Variants in PTPRD observed in about 807,000 individuals in gnomAD.
PTPRD encodes the protein protein tyrosine phosphatase receptor type D.
A neutral mutation model predicts 214.5 loss-of-function variants in PTPRD; 34 were observed. That is an observed-to-expected ratio of 0.16 (90% CI 0.12 to 0.21). PTPRD has a LOEUF of 0.21. PTPRD is among the 10% of genes least tolerant of loss of function. The probability of loss-of-function intolerance (pLI) is 1.00; values close to 1 mark genes in which losing one functional copy is unlikely to be tolerated. For synonymous variants in PTPRD, 1,128 were observed against 845.7 expected, an observed-to-expected ratio of 1.33 and a Z score of -5.79; for missense variants, 2,545 against 2,398.7, an observed-to-expected ratio of 1.06 and a Z score of -1.27.
intron 39 of PTPRD, among the ~76,000 whole-genome samples, chr9:8,350,161 G>C (rs1397066265): frequency 6.6e-6 from 1 of 152,032 alleles, no homozygotes; most frequent in Non-Finnish European, 1.5e-5. Context: ...GTAGTAATGT[G>C]CAAAAAGAAA....
rs1216388726 is a variant in PTPRD at position 8,408,053 on chromosome 9, C to G, written c.4087-3393G>C. 2.0e-5 allele frequency among the ~76,000 whole-genome samples: 3 copies of G among 152,160 alleles called. No homozygotes were observed. In the East Asian group the frequency reaches 5.8e-4, roughly 29 times the overall value. On this transcript the variant is annotated intron_variant, in intron 35 of 45. Coordinates refer to ENST00000381196, the MANE Select transcript of PTPRD (RefSeq NM_002839.4). ...TCATGAATGAGTAAGACCCTAATTG[C>G]TGGTGACAGACACAGTTGCTTTGCC... is the stretch of plus-strand genomic sequence containing the variant.
At chr9:9,338,337 T>G (rs2045419441) in intron 9 of PTPRD, among the ~76,000 whole-genome samples, 1 of 152,178 alleles carries the variant, frequency 6.6e-6, no homozygotes. Flanking sequence ...TAATTCAGAT[T>G]GCAGCAAGAT....
chr9:9,930,019 G>A (rs747157764), intron 5 of PTPRD, among the ~76,000 whole-genome samples: 2 of 152,122 alleles, frequency 1.3e-5, no homozygotes, highest in African/African-American at 2.4e-5. Context: ...TACTCAGTCT[G>A]TAGGAAACAA....
intron 9 of PTPRD, among the ~76,000 whole-genome samples, chr9:9,371,048 A>C (rs10481629): frequency 6.6e-6 from 1 of 151,400 alleles, no homozygotes; most frequent in Non-Finnish European, 1.5e-5. Context: ...ATCAATATTC[A>C]TTAAGGATAT....
intron 44 of PTPRD, among the ~76,000 whole-genome samples, chr9:8,331,007 ATTTCTATT>A (rs1840064598): frequency 6.6e-6 from 1 of 151,458 alleles, no homozygotes; most frequent in South Asian, 2.1e-4. Context: ...CTTGCTATTT[ATTTCTATT>A]AACTTCAATG....
chr9:9,752,351 TTAAAGTACGTAAGA>T (rs1395424467), intron 6 of PTPRD, among the ~76,000 whole-genome samples: 4 of 152,058 alleles, frequency 2.6e-5, no homozygotes, highest in African/African-American at 9.7e-5. Flanking sequence ...TGGAACAACA[TTAAAGTACGTAAGA>T]GATAGTCTGT....
At position 10,172,539 on chromosome 9, in the gene PTPRD, C is replaced by G. The variant is rs1455101254; in HGVS notation, c.-544-138749G>C. 3.3e-5 allele frequency among the ~76,000 whole-genome samples: 5 copies of G among 152,288 alleles called. No homozygotes were observed. The South Asian group carries it at 1.0e-3, about 32-fold the overall frequency. ...TATCCATAATTCTCCATGTGAGCCA[C>G]TACATCATGCCTTGTTGGGACCTGC... On this transcript the variant is annotated intron_variant, in intron 3 of 45. Transcript: ENST00000381196.
intron 2 of PTPRD, among the ~76,000 whole-genome samples, chr9:10,558,313 G>T (rs2063082866): frequency 6.6e-6 from 1 of 151,924 alleles, no homozygotes; most frequent in Non-Finnish European, 1.5e-5. Context: ...ATTTTAGATG[G>T]GATATTAATT....
intron 10 of PTPRD, among the ~76,000 whole-genome samples, chr9:9,119,812 C>T (rs1388097567): frequency 1.3e-5 from 2 of 151,636 alleles, no homozygotes; most frequent in Non-Finnish European, 2.9e-5. Context: ...GAGTAAGCCA[C>T]CATGCCTTGC....
intron 2 of PTPRD, among the ~76,000 whole-genome samples, chr9:10,520,436 G>A (rs1481809796): frequency 6.6e-6 from 1 of 152,186 alleles, no homozygotes; most frequent in Non-Finnish European, 1.5e-5. Flanking sequence ...TTTAAGGAAA[G>A]AAGCCATCTC....
chr9:9,769,451 G>T (rs1425931176), intron 5 of PTPRD, among the ~76,000 whole-genome samples: 1 of 145,100 alleles, frequency 6.9e-6, no homozygotes, highest in South Asian at 2.3e-4. Flanking sequence ...TCAGCCTCCC[G>T]AGCAGCTGGG....
chr9:10,142,924 A>C (rs927642874), intron 3 of PTPRD, among the ~76,000 whole-genome samples: 1 of 150,926 alleles, frequency 6.6e-6, no homozygotes, highest in African/African-American at 2.4e-5. Context: ...GCACATATAC[A>C]CCATGGAATA....
At chr9:8,715,757 G>A (rs1281306213) in intron 12 of PTPRD, among the ~76,000 whole-genome samples, 1 of 152,212 alleles carries the variant, frequency 6.6e-6, no homozygotes, top group Non-Finnish European at 1.5e-5. Context: ...CAGCAATCAT[G>A]TTTCATTTGA....
At chr9:8,809,779 T>A (rs1330262136) in intron 11 of PTPRD, among the ~76,000 whole-genome samples, 1 of 152,234 alleles carries the variant, frequency 6.6e-6, no homozygotes, top group Non-Finnish European at 1.5e-5. Context: ...TTCAGCCTGA[T>A]AATTTGATAT....
intron 2 of PTPRD, among the ~76,000 whole-genome samples, chr9:10,499,966 T>A (rs570048953): frequency 3.3e-5 from 5 of 151,890 alleles, no homozygotes. Context: ...GTCTCATAAT[T>A]AGCTTTAGAG....
chr9:10,047,193 T>C (rs922674465), intron 3 of PTPRD, among the ~76,000 whole-genome samples: 4 of 151,750 alleles, frequency 2.6e-5, no homozygotes, highest in African/African-American at 9.7e-5. Flanking sequence ...TATGAAGGAG[T>C]GGCACTGGTG....
At chr9:9,793,831 T>C (rs2098983605) in intron 5 of PTPRD, among the ~76,000 whole-genome samples, 1 of 152,188 alleles carries the variant, frequency 6.6e-6, no homozygotes, top group South Asian at 2.1e-4. Context: ...AAGTATAAAA[T>C]AGTAACAATA....
At chr9:8,820,882 G>A (rs1036017524) in intron 11 of PTPRD, among the ~76,000 whole-genome samples, 1 of 152,092 alleles carries the variant, frequency 6.6e-6, no homozygotes, top group African/African-American at 2.4e-5. Context: ...TACACGACAA[G>A]TCAAGGAGTC....
At chr9:8,522,516 C>T (rs1407306974) in intron 19 of PTPRD, among the ~76,000 whole-genome samples, 1 of 152,160 alleles carries the variant, frequency 6.6e-6, no homozygotes, top group Admixed American at 6.6e-5. Flanking sequence ...ACAACAAAAT[C>T]TTTTAAAAGG....
Sources: allele counts gnomAD v4.1 joint callset (sites outside exome capture counted in the v4.1 genomes callset), GRCh38; gene constraint gnomAD v4.1.1; transcripts MANE v1.5; gene names NCBI Gene and HGNC (gene_info 2026-07-23, HGNC 2026-07-21).